CTNNA3: variants seen among roughly 807,000 people sequenced by gnomAD.
The protein encoded by CTNNA3 is catenin alpha 3, also known as catenin alpha-3.
CTNNA3 carries 76 observed loss-of-function variants against 95.7 expected under a neutral mutation model. That is an observed-to-expected ratio of 0.79 (90% confidence interval 0.66 to 0.96). The LOEUF is 0.96. Ranked by LOEUF, CTNNA3 falls within the 40% of genes least tolerant of loss-of-function variation. The pLI, the probability that CTNNA3 is intolerant of heterozygous loss-of-function variation, is 0.00. For missense variants in CTNNA3, 1,191 were observed against 1,089.8 expected (o/e 1.09, Z -1.31); for synonymous variants, 431 against 374.4 (o/e 1.15, Z -1.74).
At chr10:66,269,219 G>C (rs145674296) in intron 13 of CTNNA3, among the ~76,000 whole-genome samples, 108 of 152,240 alleles carry the variant, frequency 7.1e-4, no homozygotes, top group African/African-American at 2.5e-3. Flanking sequence ...GACTTACATA[G>C]GGTTACAAAG....
At chr10:66,936,460 G>GT (rs1006286555) in intron 7 of CTNNA3, among the ~76,000 whole-genome samples, 1 of 151,972 alleles carries the variant, frequency 6.6e-6, no homozygotes, top group Non-Finnish European at 1.5e-5. Context: ...TTTTCCTGGT[G>GT]TTTTTTTGTT....
intron 11 of CTNNA3, among the ~76,000 whole-genome samples, chr10:66,492,015 G>A (rs187106860): frequency 4.4e-4 from 67 of 151,798 alleles, no homozygotes; most frequent in African/African-American, 1.6e-3. Flanking sequence ...TTGTCCCTCT[G>A]TACATATGAA....
intron 11 of CTNNA3, among the ~76,000 whole-genome samples, chr10:66,405,055 A>G (rs2093047105): frequency 6.6e-6 from 1 of 152,214 alleles, no homozygotes; most frequent in African/African-American, 2.4e-5. Flanking sequence ...GAAATACAGA[A>G]GAGTTAAGCA....
At chr10:66,567,855 C>A (rs1358440088) in intron 10 of CTNNA3, among the ~76,000 whole-genome samples, 2 of 152,152 alleles carry the variant, frequency 1.3e-5, no homozygotes, top group Non-Finnish European at 2.9e-5. Flanking sequence ...AGACTCAGTG[C>A]CCCAGCACAG....
intron 5 of CTNNA3, among the ~76,000 whole-genome samples, chr10:67,447,279 G>A (rs1386200387): frequency 6.6e-6 from 1 of 152,182 alleles, no homozygotes; most frequent in African/African-American, 2.4e-5. Flanking sequence ...CTTAAAACAT[G>A]CGTGTAATAG....
At chr10:66,204,411 TAC>T (rs1381385084) in intron 13 of CTNNA3, among the ~76,000 whole-genome samples, 1 of 152,148 alleles carries the variant, frequency 6.6e-6, no homozygotes, top group East Asian at 1.9e-4. Flanking sequence ...TCCTTTATTT[TAC>T]AGATTAAAGA....
chr10:67,106,527 T>C (rs1450140308), intron 7 of CTNNA3, among the ~76,000 whole-genome samples: 2 of 152,214 alleles, frequency 1.3e-5, no homozygotes, highest in Non-Finnish European at 2.9e-5. Context: ...CTAAGCATTT[T>C]ACGGGTGTTC....
intron 17 of CTNNA3, among the ~76,000 whole-genome samples, chr10:65,933,255 T>C (rs181071347): frequency 1.9e-3 from 295 of 152,296 alleles, no homozygotes; most frequent in Non-Finnish European, 3.1e-3. Flanking sequence ...ATTTGTGACA[T>C]GTCTCACAAG....
chr10:67,743,520 C>G (rs183300684), intron 1 of CTNNA3, among the ~76,000 whole-genome samples: 2 of 151,198 alleles, frequency 1.3e-5, no homozygotes, highest in East Asian at 3.9e-4. Context: ...TAAGAGCTAT[C>G]TATGACAAAC....
intron 7 of CTNNA3, among the ~76,000 whole-genome samples, chr10:67,125,761 G>A (rs1288159223): frequency 1.3e-5 from 2 of 152,128 alleles, no homozygotes; most frequent in Non-Finnish European, 2.9e-5. Flanking sequence ...GTGTGAAATG[G>A]GAAGTGTTAA....
At chr10:66,595,324 G>A (rs992476729) in intron 10 of CTNNA3, among the ~76,000 whole-genome samples, 2 of 133,998 alleles carry the variant, frequency 1.5e-5, no homozygotes, top group African/African-American at 6.1e-5. Flanking sequence ...TTGATTGATT[G>A]ATCTTATTTA....
At chr10:66,795,884 T>G (rs1292616230) in intron 7 of CTNNA3, among the ~76,000 whole-genome samples, 2 of 152,144 alleles carry the variant, frequency 1.3e-5, no homozygotes, top group African/African-American at 4.8e-5. Flanking sequence ...GAACCAACTT[T>G]TGCTACCTTC....
At chr10:67,312,646 T>C (rs1212299719) in intron 5 of CTNNA3, among the ~76,000 whole-genome samples, 1 of 152,236 alleles carries the variant, frequency 6.6e-6, no homozygotes, top group Non-Finnish European at 1.5e-5. Context: ...CTGAGGACGA[T>C]AGCCATTGAT....
At chr10:66,335,493 C>A (rs1443395982) in intron 12 of CTNNA3, among the ~76,000 whole-genome samples, 1 of 152,098 alleles carries the variant, frequency 6.6e-6, no homozygotes, top group Non-Finnish European at 1.5e-5. Context: ...GCTGGAGGTC[C>A]ACTCCAGACC....
intron 7 of CTNNA3, among the ~76,000 whole-genome samples, chr10:66,840,370 TCTCACACACACA>T (rs1564716215): frequency 2.8e-4 from 21 of 74,824 alleles, no homozygotes; most frequent in Non-Finnish European, 3.8e-4. Flanking sequence ...TCTCTCTCTC[TCTCACACACACA>T]CACACACACA....
chr10:67,608,994 G>A (rs1176703478), intron 2 of CTNNA3, among the ~76,000 whole-genome samples: 2 of 150,992 alleles, frequency 1.3e-5, no homozygotes, highest in African/African-American at 4.9e-5. Context: ...GGAGGCTGAG[G>A]CAGGAGAATC....
intron 4 of CTNNA3, among the ~76,000 whole-genome samples, chr10:67,524,247 C>CA (rs1425463221): frequency 1.3e-5 from 2 of 151,830 alleles, no homozygotes; most frequent in African/African-American, 2.4e-5. Flanking sequence ...ACTAAAAATA[C>CA]AAAAAATTAG....
chr10:66,649,417 T>C (rs1025834059), intron 9 of CTNNA3, among the ~76,000 whole-genome samples: 5 of 152,024 alleles, frequency 3.3e-5, no homozygotes, highest in South Asian at 2.1e-4. Context: ...GACACACTGA[T>C]AAAGGTAAGA....
chr10:67,410,023 A>C (rs1479518198), intron 5 of CTNNA3, among the ~76,000 whole-genome samples: 3 of 152,160 alleles, frequency 2.0e-5, no homozygotes, highest in Non-Finnish European at 4.4e-5. Context: ...ACCCAAAGGA[A>C]TACAAATCAT....
Sources: allele counts gnomAD v4.1 joint callset (sites outside exome capture counted in the v4.1 genomes callset), GRCh38; gene constraint gnomAD v4.1.1; transcripts MANE v1.5; gene names NCBI Gene and HGNC (gene_info 2026-07-23, HGNC 2026-07-21).